Variants in PACRG observed in about 807,000 individuals in gnomAD.
PACRG encodes parkin coregulated, also known as parkin coregulated gene protein.
Under a neutral mutation model 29.7 loss-of-function variants are expected in PACRG, and 29 were observed. That is an observed-to-expected ratio of 0.98 (90% CI 0.73 to 1.33). The LOEUF is 1.33. Ranked by LOEUF, PACRG falls within the 40% of genes most tolerant of loss-of-function variation. The pLI is 0.00. For synonymous variants in PACRG, 116 were observed against 118.7 expected, an observed-to-expected ratio of 0.98 and a Z score of 0.15; for missense variants, 279 against 316.2, an observed-to-expected ratio of 0.88 and a Z score of 0.89.
rs202189933 is a variant in PACRG, at chr6:163,177,565, T to A, written c.613+88157T>A. Among the ~76,000 whole-genome samples, 6 of 152,056 alleles carry A rather than the reference T, an allele frequency of 3.9e-5. No homozygotes were observed. In the East Asian group the frequency reaches 1.2e-3, roughly 29 times the overall value. On this transcript the variant is annotated intron_variant, in intron 4 of 4. Coordinates refer to ENST00000366888, the MANE Select transcript of PACRG (RefSeq NM_001080379.2). ...CTGTGGAGGGTTTGTGCTCCACAAG[T>A]TACAGGAGGCTGCGGGGACAGAAGC... is the stretch of plus-strand genomic sequence containing the variant.
chr6:162,835,201 A>G (rs1296558208), intron 2 of PACRG, among the ~76,000 whole-genome samples: 1 of 152,124 alleles, frequency 6.6e-6, no homozygotes, highest in African/African-American at 2.4e-5. Flanking sequence ...TTCTTCAGTA[A>G]AACATTGTTT....
chr6:163,191,942 G>A (rs752733141), intron 4 of PACRG: 2 of 356,072 alleles, frequency 5.6e-6, no homozygotes, highest in Non-Finnish European at 1.1e-5. Flanking sequence ...ATCCCCTCCC[G>A]AACTGACCAG....
At chr6:162,903,406 TG>T (rs1284582568) in intron 2 of PACRG, among the ~76,000 whole-genome samples, 7 of 152,314 alleles carry the variant, frequency 4.6e-5, no homozygotes, top group Non-Finnish European at 8.8e-5. Flanking sequence ...TACCCAAGAC[TG>T]GGTAATTTAT....
At chr6:163,301,498 A>G (rs1785000957) in intron 4 of PACRG, among the ~76,000 whole-genome samples, 1 of 152,232 alleles carries the variant, frequency 6.6e-6, no homozygotes, top group African/African-American at 2.4e-5. Context: ...TCATAAAGGG[A>G]CATCCCAAAG....
At chr6:163,040,764 G>A (rs1808619768) in intron 2 of PACRG, among the ~76,000 whole-genome samples, 1 of 152,184 alleles carries the variant, frequency 6.6e-6, no homozygotes, top group Admixed American at 6.5e-5. Flanking sequence ...TTTGGAATGG[G>A]AACATTTACC....
intron 2 of PACRG, among the ~76,000 whole-genome samples, chr6:163,049,083 A>C (rs1166749311): frequency 6.6e-6 from 1 of 152,138 alleles, no homozygotes; most frequent in Admixed American, 6.5e-5. Context: ...TAAACCTAGG[A>C]AAGTAATGTA....
chr6:162,773,494 ATTTTTTTTTTTTTTTTT>A (rs71008110), intron 1 of PACRG, among the ~76,000 whole-genome samples: 7 of 66,020 alleles, frequency 1.1e-4, no homozygotes, highest in South Asian at 4.7e-4. Flanking sequence ...ACAGCTTGTC[ATTTTTTTTTTTTTTTTT>A]TTTTTTTTTT....
intron 4 of PACRG, among the ~76,000 whole-genome samples, chr6:163,173,197 C>G (rs1275624201): frequency 2.0e-5 from 3 of 152,226 alleles, no homozygotes; most frequent in Non-Finnish European, 4.4e-5. Flanking sequence ...TTATCCCTCT[C>G]TGTTTGCCAT....
intron 2 of PACRG, among the ~76,000 whole-genome samples, chr6:163,049,515 T>C (rs1183903644): frequency 6.6e-6 from 1 of 152,044 alleles, no homozygotes; most frequent in African/African-American, 2.4e-5. Context: ...TTCAAAAACA[T>C]TTTTAAATTG....
intron 1 of PACRG, among the ~76,000 whole-genome samples, chr6:162,779,183 C>T (rs982548254): frequency 2.0e-5 from 3 of 152,184 alleles, no homozygotes; most frequent in African/African-American, 4.8e-5. Flanking sequence ...CTTCCAGCTC[C>T]ATCCGTTTCC....
At chr6:162,893,028 C>T (rs921287312) in intron 2 of PACRG, among the ~76,000 whole-genome samples, 3 of 148,656 alleles carry the variant, frequency 2.0e-5, no homozygotes, top group Middle Eastern at 7.2e-3. Flanking sequence ...GCCCACATCC[C>T]GGAGAACCAC....
At chr6:163,038,878 T>C (rs940869701) in intron 2 of PACRG, among the ~76,000 whole-genome samples, 3 of 152,176 alleles carry the variant, frequency 2.0e-5, no homozygotes, top group African/African-American at 7.2e-5. Flanking sequence ...TACATGACTT[T>C]AGGTTTACAA....
chr6:162,998,446 A>G (rs1002494730), intron 2 of PACRG, among the ~76,000 whole-genome samples: 1 of 152,080 alleles, frequency 6.6e-6, no homozygotes, highest in Admixed American at 6.6e-5. Context: ...GTGAGCAGGT[A>G]TTTGTTATTT....
At chr6:162,942,767 AT>A in intron 2 of PACRG, among the ~76,000 whole-genome samples, 1 of 152,246 alleles carries the variant, frequency 6.6e-6, no homozygotes, top group African/African-American at 2.4e-5. Context: ...TATTTGATTG[AT>A]TCAGTGCCAG....
chr6:162,746,979 T>A (rs754109140), intron 1 of PACRG, among the ~76,000 whole-genome samples: 5 of 152,112 alleles, frequency 3.3e-5, no homozygotes, highest in Non-Finnish European at 5.9e-5. Flanking sequence ...AAGAATGATG[T>A]TTTAGTAAAA....
chr6:163,211,706 G>A (rs907615590), intron 4 of PACRG, among the ~76,000 whole-genome samples: 2 of 152,088 alleles, frequency 1.3e-5, no homozygotes, highest in Non-Finnish European at 2.9e-5. Context: ...CCCCCTATAA[G>A]AGTTACCAAT....
intron 4 of PACRG, among the ~76,000 whole-genome samples, chr6:163,125,406 TA>T (rs1243402955): frequency 1.3e-5 from 2 of 152,204 alleles, no homozygotes; most frequent in Non-Finnish European, 2.9e-5. Flanking sequence ...GGTCTGACTA[TA>T]TAATATAAAC....
At chr6:163,283,823 A>G (rs908859177) in intron 4 of PACRG, among the ~76,000 whole-genome samples, 18 of 148,084 alleles carry the variant, frequency 1.2e-4, no homozygotes, top group African/African-American at 4.0e-4. Context: ...AAAAAAAAAA[A>G]AAAATTTAGG....
At chr6:163,218,052 G>T (rs909401779) in intron 4 of PACRG, among the ~76,000 whole-genome samples, 1 of 152,148 alleles carries the variant, frequency 6.6e-6, no homozygotes, top group Non-Finnish European at 1.5e-5. Context: ...AAAGGCTGGG[G>T]CCCCTGCCCT....
Sources: gnomAD v4.1 joint callset for allele counts (sites outside exome capture counted in the v4.1 genomes callset) on GRCh38, gnomAD v4.1.1 for gene constraint, MANE v1.5 for transcripts, NCBI Gene and HGNC (gene_info 2026-07-23, HGNC 2026-07-21) for gene names.